WDR33: variants seen among roughly 807,000 people sequenced by gnomAD.
The protein encoded by WDR33 is WD repeat domain 33, also known as pre-mRNA 3' end processing protein WDR33.
A neutral mutation model predicts 164.9 loss-of-function variants in WDR33; 47 were observed. That is an observed-to-expected ratio of 0.29 (90% CI 0.23 to 0.36). WDR33 has a LOEUF of 0.36. WDR33 is among the 10% of genes least tolerant of loss of function. The pLI, the probability that WDR33 is intolerant of heterozygous loss-of-function variation, is 1.00. For missense variants in WDR33, 1,137 were observed against 1,754.1 expected, an observed-to-expected ratio of 0.65 and a Z score of 6.28; for synonymous variants, 505 against 589.0, an observed-to-expected ratio of 0.86 and a Z score of 2.06.
At position 127,701,930 on chromosome 2, in the gene WDR33, C is replaced by T; in HGVS notation, c.*4393G>A. On this transcript the variant is annotated 3_prime_UTR_variant, in exon 22 of 22. Coordinates refer to ENST00000322313, the MANE Select transcript of WDR33 (RefSeq NM_018383.5). ...TGCGGGGCGGCGCGGCGTGCGGACGCCTGCTGCGCTGCGAAGAAGCGCCGT... is the reference window on the plus strand; with the variant it reads ...TGCGGGGCGGCGCGGCGTGCGGACGTCTGCTGCGCTGCGAAGAAGCGCCGT... 2.8e-6 allele frequency: 4 copies of T among 1,429,234 alleles called. No individual in the cohort carries two copies. The highest frequency in any genetic ancestry group is 3.6e-6 in the Non-Finnish European group (4 of 1,098,552). 88.5% of individuals were successfully genotyped at this position (1,429,234 alleles called of 1,614,324 possible).
At chr2:127,750,174 G>A (rs1011464540) in intron 7 of WDR33, among the ~76,000 whole-genome samples, 5 of 151,902 alleles carry the variant, frequency 3.3e-5, no homozygotes, top group African/African-American at 4.8e-5. Context: ...ACAGGCACAC[G>A]CCACCACACC....
chr2:127,792,670 C>T (rs939319312), intron 1 of WDR33, among the ~76,000 whole-genome samples: 1 of 149,576 alleles, frequency 6.7e-6, no homozygotes, highest in African/African-American at 2.5e-5. Context: ...AGTGAGACCC[C>T]GTCTCAAAAA....
intron 1 of WDR33, among the ~76,000 whole-genome samples, chr2:127,801,699 A>G (rs1043284225): frequency 6.6e-6 from 1 of 152,148 alleles, no homozygotes; most frequent in African/African-American, 2.4e-5. Flanking sequence ...CCTAGCCAAC[A>G]TGGTGAAATC....
rs933281297 is a variant in WDR33 at position 127,717,194 on chromosome 2, G to A, written c.2830C>T (p.Pro944Ser). The change falls in exon 17 of 22, where the codon CCC (proline) becomes TCC (serine). Residue 944 changes from proline to serine, a missense_variant. Pro to Ser is a moderately conservative substitution (Grantham distance 74). Around this residue, in one of 9 missense-constraint regions of WDR33, gnomAD observed 867 missense variants for 1,073.0 expected, o/e 0.81. Transcript: ENST00000322313. This position sits in a 1 kb window ranked among gnomAD's most constrained non-coding sequence, Gnocchi z 5.6. ...LGQQGAQGRIPPLNPGQGPGP... is the reference protein window; with the variant it reads ...LGQQGAQGRISPLNPGQGPGP... The stretch of plus-strand genomic sequence containing the variant: ...GGTCCTTGTCCGGGGTTCAGAGGGG[G>A]AATGCGACCTTGTGCTCCCTGCTGC... 1.2e-6 allele frequency: 2 copies of A among 1,609,880 alleles called. No homozygotes were observed. Among genetic ancestry groups the A allele is most frequent in the African/African-American group, 1.3e-5 (1 of 74,858 alleles).
At chr2:127,773,182 T>C (rs1269724414) in intron 1 of WDR33, among the ~76,000 whole-genome samples, 10 of 152,078 alleles carry the variant, frequency 6.6e-5, no homozygotes, top group Admixed American at 6.6e-5. Flanking sequence ...ACAAATACAA[T>C]AAAGGAGAGA....
intron 1 of WDR33, among the ~76,000 whole-genome samples, chr2:127,775,064 G>A (rs755105613): frequency 7.3e-5 from 11 of 151,720 alleles, no homozygotes; most frequent in Admixed American, 3.3e-4. Context: ...TGACAGAGAT[G>A]GTGGCTGCAA....
Position 127,722,482 on chromosome 2 carries a change from A to C in WDR33, c.1518+109T>G. On this transcript the variant is annotated intron_variant, in intron 14 of 21. Transcript: ENST00000322313. This position sits in a 1 kb window ranked among gnomAD's most constrained non-coding sequence, Gnocchi z 5.1. ...GTCTAAGAGTACGTGAACATGGGAA[A>C]AATGCTCCAGTACAGAAACACCTTC... 6.9e-7 allele frequency: 1 copy of C among 1,452,488 alleles called. No homozygotes were observed. Among genetic ancestry groups the C allele is most frequent in the South Asian group, 1.4e-5 (1 of 70,882 alleles). 90.0% of individuals were successfully genotyped at this position (1,452,488 alleles called of 1,614,324 possible). A position where few individuals can be genotyped will look rare whatever the true frequency, so the allele number is the denominator to read the frequency against.
At chr2:127,711,600 C>A (rs924499120) in intron 18 of WDR33, among the ~76,000 whole-genome samples, 17 of 149,896 alleles carry the variant, frequency 1.1e-4, no homozygotes, top group Admixed American at 1.1e-3. Context: ...GGAGCCCTTA[C>A]GTCTTTATTT....
At chr2:127,750,713 TGTATGTATGCATAC>T (rs1222651069) in intron 7 of WDR33, among the ~76,000 whole-genome samples, 1 of 51,590 alleles carries the variant, frequency 1.9e-5, no homozygotes, top group East Asian at 5.3e-4. Flanking sequence ...TATATATATA[TGTATGTATGCATAC>T]ATATATATGT....
In WDR33 at chr2:127,701,610, G is replaced by C; in HGVS notation, c.*4713C>G. On this transcript the variant is annotated 3_prime_UTR_variant, in exon 22 of 22. Coordinates refer to ENST00000322313, the MANE Select transcript of WDR33 (RefSeq NM_018383.5). Reference sequence around the variant, plus strand: ...CCCGGCGGCCGCGGAGCCGCTGCTCGCCGCGGAGAAGGCGGAGGAGCCCGG... The same window carrying C: ...CCCGGCGGCCGCGGAGCCGCTGCTCCCCGCGGAGAAGGCGGAGGAGCCCGG... The C allele has an allele frequency of 1.5e-6, 2 of 1,346,612 alleles. No homozygotes were observed. The highest frequency in any genetic ancestry group is 1.9e-6 in the Non-Finnish European group (2 of 1,050,354). 83.4% of individuals were successfully genotyped at this position (1,346,612 alleles called of 1,614,324 possible). A position where few individuals can be genotyped will look rare whatever the true frequency, so the allele number is the denominator to read the frequency against.
At chr2:127,768,497 A>T (rs1687892023) in intron 3 of WDR33, among the ~76,000 whole-genome samples, 1 of 152,214 alleles carries the variant, frequency 6.6e-6, no homozygotes, top group Non-Finnish European at 1.5e-5. Context: ...AATACCCATT[A>T]TTACTAAACA....
At position 127,713,716 on chromosome 2, in the gene WDR33, T is replaced by C; in HGVS notation, c.3175A>G (p.Arg1059Gly). The C allele has an allele frequency of 6.2e-7, 1 of 1,614,190 alleles. No individual in the cohort carries two copies. Among genetic ancestry groups the C allele is most frequent in the Non-Finnish European group, 8.5e-7 (1 of 1,179,998 alleles). ...CGGCCATCCCCCTCGCTGAATTCCC[T>C]GTGATCAGGGGGAAACGGAGGCCCA... ...GPGPPFPPDH[R>G]EFSEGDGRGA... The change falls in exon 18 of 22, where the codon AGG becomes GGG. Residue 1059 changes from arginine to glycine, a missense_variant. By Grantham distance (125) the Arg-to-Gly change is moderately radical. This residue lies in a region of WDR33 where 867 missense variants were observed against 1,073.0 expected (regional missense o/e 0.81). Coordinates refer to ENST00000322313, the MANE Select transcript of WDR33 (RefSeq NM_018383.5). This position sits in a 1 kb window ranked among gnomAD's most constrained non-coding sequence, Gnocchi z 6.2.
At chr2:127,790,807 TTC>T (rs2105479384) in intron 1 of WDR33, among the ~76,000 whole-genome samples, 2 of 152,236 alleles carry the variant, frequency 1.3e-5, no homozygotes, top group South Asian at 4.1e-4. Context: ...TATAGGACTA[TTC>T]AGGTTACATA....
chr2:127,702,256 CGCCGCTGT>C lies in WDR33; in HGVS notation c.*4059_*4066del. 2.6e-6 allele frequency: 3 copies of C among 1,147,200 alleles called. No homozygotes were observed. The highest frequency in any genetic ancestry group is 3.3e-6 in the Non-Finnish European group (3 of 920,754). The allele number at this position is 1,147,200 out of a possible 1,614,324, so 71.1% of individuals were successfully genotyped here. A position where few individuals can be genotyped will look rare whatever the true frequency, so the allele number is the denominator to read the frequency against. ...CGCGCCGGCCGAGCTGAGGACTGCA[CGCCGCTGT>C]GCGGAAGCCCGTGGCGAAGGCCCTG... is the stretch of plus-strand genomic sequence containing the variant. On this transcript the variant is annotated 3_prime_UTR_variant, in exon 22 of 22. Transcript: ENST00000322313.
chr2:127,786,495 C>T (rs1688577681), intron 1 of WDR33, among the ~76,000 whole-genome samples: 1 of 152,168 alleles, frequency 6.6e-6, no homozygotes, highest in African/African-American at 2.4e-5. Context: ...CCAGCTCAGT[C>T]AACATGGCAA....
At chr2:127,787,476 C>A (rs1422188777) in intron 1 of WDR33, among the ~76,000 whole-genome samples, 2 of 136,954 alleles carry the variant, frequency 1.5e-5, no homozygotes. Flanking sequence ...GGCAGCTGGC[C>A]GGGCGGGGGG....
chr2:127,753,954 A>C (rs1687444755), intron 7 of WDR33, among the ~76,000 whole-genome samples: 1 of 152,250 alleles, frequency 6.6e-6, no homozygotes, highest in Admixed American at 6.5e-5. Context: ...GGGCATGAAG[A>C]AATCTTTGAC....
At chr2:127,733,219 A>T (rs1169516358) in intron 7 of WDR33, among the ~76,000 whole-genome samples, 1 of 152,210 alleles carries the variant, frequency 6.6e-6, no homozygotes, top group African/African-American at 2.4e-5. Context: ...AAAGGAAGAT[A>T]AAATTCCGAA....
intron 1 of WDR33, among the ~76,000 whole-genome samples, chr2:127,809,716 G>T (rs527679548): frequency 6.6e-6 from 1 of 152,214 alleles, no homozygotes; most frequent in Non-Finnish European, 1.5e-5. Context: ...GATTACAGGC[G>T]TGAGCCACCG....
Sources: allele counts gnomAD v4.1 joint callset (sites outside exome capture counted in the v4.1 genomes callset), GRCh38; gene constraint gnomAD v4.1.1; regional missense constraint gnomAD v4.1.1; non-coding constraint Gnocchi (gnomAD v3.1); transcripts MANE v1.5; gene names NCBI Gene and HGNC (gene_info 2026-07-23, HGNC 2026-07-21).